TTC39C: variants seen among roughly 807,000 people sequenced by gnomAD.
TTC39C encodes tetratricopeptide repeat domain 39C, also known as tetratricopeptide repeat protein 39C.
In TTC39C, 33 loss-of-function variants were observed where a neutral mutation model predicts 76.3. The observed-to-expected ratio is 0.43, with a 90% confidence interval of 0.33 to 0.58. The LOEUF is 0.58. TTC39C is among the 20% of genes least tolerant of loss of function. The pLI is 0.04. For missense variants in TTC39C, 595 were observed against 701.4 expected (o/e 0.85, Z 1.71); for synonymous variants, 254 against 260.6 (o/e 0.97, Z 0.24).
At chr18:24,085,780 G>A (rs1278851202) in intron 6 of TTC39C, among the ~76,000 whole-genome samples, 9 of 152,172 alleles carry the variant, frequency 5.9e-5, no homozygotes, top group Non-Finnish European at 8.8e-5. Context: ...CTGTGACTAC[G>A]GTTATTTAGT....
At chr18:24,095,573 C>T (rs1209545266) in intron 6 of TTC39C, among the ~76,000 whole-genome samples, 2 of 152,260 alleles carry the variant, frequency 1.3e-5, no homozygotes, top group East Asian at 3.9e-4. Context: ...GTAGCACATA[C>T]CTGTAATCCC....
At chr18:24,127,984 C>T (rs920415871) in intron 10 of TTC39C, among the ~76,000 whole-genome samples, 11 of 152,210 alleles carry the variant, frequency 7.2e-5, no homozygotes, top group Admixed American at 1.3e-4. Context: ...CTGTAACCCT[C>T]GAGGCCATTG....
chr18:24,004,647 A>C (rs2083338299), intron 1 of TTC39C, among the ~76,000 whole-genome samples: 1 of 152,188 alleles, frequency 6.6e-6, no homozygotes, highest in Non-Finnish European at 1.5e-5. Context: ...TCTTGTTTTT[A>C]AGGTTAAAAT....
Position 24,118,180 on chromosome 18 carries a change from G to T in TTC39C, c.1134G>T (p.Arg378Ser). ...NFKDAFDSFERLKNESRWSQC... is the reference protein window; with the variant it reads ...NFKDAFDSFESLKNESRWSQC... ...AGGATGCATTTGATTCCTTTGAGAG[G>T]CTAAAAAATGAGTCCAGGTGGTCCC... The change falls in exon 8 of 14, where the codon AGG becomes AGT. Residue 378 changes from arginine to serine, a missense_variant. By Grantham distance (110) the Arg-to-Ser change is moderately radical. Coordinates refer to ENST00000317571, the MANE Select transcript of TTC39C (RefSeq NM_001135993.2). 1 of 1,613,920 alleles carries T rather than the reference G, an allele frequency of 6.2e-7. No individual in the cohort carries two copies. The highest frequency in any genetic ancestry group is 8.5e-7 in the Non-Finnish European group (1 of 1,179,908).
At chr18:24,074,670 T>C (rs930490301) in intron 4 of TTC39C, among the ~76,000 whole-genome samples, 4 of 152,148 alleles carry the variant, frequency 2.6e-5, no homozygotes, top group Admixed American at 2.0e-4. Context: ...GGAGAGGATG[T>C]GGAGAAATAG....
upstream of TTC39C, chr18:24,014,594 T>G: frequency 1.4e-5 from 4 of 276,996 alleles, no homozygotes; most frequent in East Asian, 7.7e-5. Flanking sequence ...CCCGCGCGAG[T>G]TGGGTGCTTC....
intron 6 of TTC39C, among the ~76,000 whole-genome samples, chr18:24,083,862 A>T (rs781003455): frequency 6.6e-6 from 1 of 152,210 alleles, no homozygotes; most frequent in Non-Finnish European, 1.5e-5. Flanking sequence ...GATAGCTGTT[A>T]TAGTAGCTGC....
intron 6 of TTC39C, among the ~76,000 whole-genome samples, chr18:24,092,695 A>G (rs750785259): frequency 7.2e-5 from 11 of 152,238 alleles, no homozygotes; most frequent in Non-Finnish European, 1.5e-4. Flanking sequence ...CAGAGGCAGA[A>G]AATAGATTAT....
Position 24,125,433 on chromosome 18 carries a change from C to A in TTC39C, c.1303C>A (p.Arg435=), listed in dbSNP as rs140461929. ...IEQFSVKKAE[R]FRKQTPTKAL... ...TTATTCTGACTCCTTGCAGGCAGAG[C>A]GATTTCGGAAGCAAACCCCAACCAA... Residue 435 remains arginine, a synonymous_variant, in exon 10 of 14, where the codon CGA becomes AGA. Coordinates refer to ENST00000317571, the MANE Select transcript of TTC39C (RefSeq NM_001135993.2). 3.1e-6 allele frequency: 5 copies of A among 1,614,074 alleles called. No homozygotes were observed. Among genetic ancestry groups the A allele is most frequent in the Non-Finnish European group, 4.2e-6 (5 of 1,180,014 alleles).
intron 6 of TTC39C, chr18:24,099,355 C>A (rs895709657): frequency 1.3e-5 from 2 of 151,636 alleles, no homozygotes; most frequent in Non-Finnish European, 2.9e-5. Flanking sequence ...TCAGGGGTCT[C>A]TTTTATGAGG....
chr18:24,129,753 G>A (rs1025509769), intron 11 of TTC39C, among the ~76,000 whole-genome samples: 24 of 133,396 alleles, frequency 1.8e-4, no homozygotes, highest in Non-Finnish European at 3.2e-4. Context: ...CAGCCTGGGC[G>A]ACACAGCAAG....
rs1435167812 is a variant in TTC39C, at chr18:24,134,033, T to A, written c.*1459T>A. 6.5e-6 allele frequency: 1 copy of A among 154,220 alleles called. No individual in the cohort carries two copies. Among genetic ancestry groups the A allele is most frequent in the Non-Finnish European group, 1.5e-5 (1 of 68,212 alleles). The allele number at this position is 154,220 out of a possible 1,614,324, so 9.6% of individuals were successfully genotyped here. A position where few individuals can be genotyped will look rare whatever the true frequency, so the allele number is the denominator to read the frequency against. The stretch of plus-strand genomic sequence containing the variant: ...TTCTTTGAAAGAAGTTATTTCTCAC[T>A]GATTTTGGCTAAACAGTATTCATAT... On this transcript the variant is annotated 3_prime_UTR_variant, in exon 14 of 14. Transcript: ENST00000317571.
chr18:24,119,300 A>G (rs1416933631), intron 8 of TTC39C, among the ~76,000 whole-genome samples: 1 of 152,220 alleles, frequency 6.6e-6, no homozygotes, highest in Non-Finnish European at 1.5e-5. Context: ...AACTTCATGT[A>G]AGCCTTTTCT....
chr18:24,108,768 C>T (rs753503883), intron 6 of TTC39C, among the ~76,000 whole-genome samples: 7 of 152,232 alleles, frequency 4.6e-5, no homozygotes, highest in South Asian at 2.1e-4. Flanking sequence ...CCACAGAACA[C>T]GCATGAGTTT....
chr18:24,119,659 T>G (rs1371782429), intron 8 of TTC39C, among the ~76,000 whole-genome samples: 1 of 152,218 alleles, frequency 6.6e-6, no homozygotes. Flanking sequence ...GATGTTTGAA[T>G]AAGCTTATTT....
At chr18:24,120,847 T>C (rs976792247) in intron 8 of TTC39C, 2 of 149,392 alleles carry the variant, frequency 1.3e-5, no homozygotes, top group African/African-American at 4.9e-5. Context: ...GGTTCATCCA[T>C]GTTGTAACAT....
intron 9 of TTC39C, 24 bp from the exon 10 acceptor site, chr18:24,125,402 GC>G: frequency 6.2e-7 from 1 of 1,613,300 alleles, no homozygotes. Context: ...GAAAAATGTA[GC>G]CTGTTTATTC....
intron 13 of TTC39C, 59 bp downstream of exon 13, chr18:24,131,979 C>G: frequency 6.7e-7 from 1 of 1,488,970 alleles, no homozygotes; most frequent in Non-Finnish European, 9.1e-7. Context: ...CACTGTATAC[C>G]TGAGTCTGAA....
chr18:24,016,408 G>A (rs2145643854), intron 1 of TTC39C, among the ~76,000 whole-genome samples: 1 of 152,252 alleles, frequency 6.6e-6, no homozygotes, highest in Non-Finnish European at 1.5e-5. Context: ...TTCCTGTACC[G>A]TGCTATGATT....
Sources: gnomAD v4.1 joint callset for allele counts (sites outside exome capture counted in the v4.1 genomes callset) on GRCh38, gnomAD v4.1.1 for gene constraint, MANE v1.5 for transcripts, NCBI Gene and HGNC (gene_info 2026-07-23, HGNC 2026-07-21) for gene names.